MCM2: variants seen among roughly 807,000 people sequenced by gnomAD.
The protein encoded by MCM2 is DNA replication licensing factor MCM2.
MCM2 carries 49 observed loss-of-function variants against 86.4 expected under a neutral mutation model. The ratio of observed to expected loss-of-function variants is 0.57; its 90% CI spans 0.45 to 0.72. The LOEUF (loss-of-function observed/expected upper bound fraction) is 0.72. MCM2 is among the 30% of genes least tolerant of loss of function. The pLI is 0.00. For synonymous variants in MCM2, 475 were observed against 484.6 expected (o/e 0.98, Z 0.26); for missense variants, 1,038 against 1,259.9 (o/e 0.82, Z 2.67).
At chr3:127,621,326 G>A in intron 15 of MCM2, 98 bp downstream of exon 15, 1 of 1,462,886 alleles carries the variant, frequency 6.8e-7, no homozygotes, top group South Asian at 1.3e-5. Flanking sequence ...TGAAGTGGGT[G>A]GGCCTTGGTT....
At position 127,608,968 on chromosome 3, in the gene MCM2, A is replaced by T; in HGVS notation, c.1373A>T (p.Asp458Val). The T allele has an allele frequency of 6.2e-7, 1 of 1,614,180 alleles. No individual in the cohort carries two copies. Among genetic ancestry groups the T allele is most frequent in the Non-Finnish European group, 8.5e-7 (1 of 1,180,036 alleles). ...DNKVAVGELT[D>V]EDVKMITSLS... The stretch of plus-strand genomic sequence containing the variant: ...AAGGTTGCTGTAGGGGAACTGACCG[A>T]TGAAGATGTGAAGATGATCACTAGC... The change falls in exon 8 of 16, where the codon GAT becomes GTT. Residue 458 changes from aspartate to valine, a missense_variant. Physicochemically the swap from Asp to Val is radical, Grantham distance 152. Around this residue, in one of 4 missense-constraint regions of MCM2, gnomAD observed 399 missense variants for 507.2 expected, o/e 0.79. Coordinates refer to ENST00000265056, the MANE Select transcript of MCM2 (RefSeq NM_004526.4).
chr3:127,619,947 G>A (rs2074464107), intron 13 of MCM2, among the ~76,000 whole-genome samples: 1 of 152,084 alleles, frequency 6.6e-6, no homozygotes, highest in Admixed American at 6.5e-5. Context: ...TGGCACCACT[G>A]CACTCTAGCC....
intron 8 of MCM2, 109 bp downstream of exon 8, chr3:127,609,132 C>T: frequency 1.7e-6 from 2 of 1,152,064 alleles, no homozygotes; most frequent in Non-Finnish European, 1.2e-6. Flanking sequence ...TTGCCTTATT[C>T]CCCTGGAGCT....
At chr3:127,599,858 C>CA (rs2107684566) in intron 2 of MCM2, among the ~76,000 whole-genome samples, 1 of 152,276 alleles carries the variant, frequency 6.6e-6, no homozygotes, top group African/African-American at 2.4e-5. Flanking sequence ...GCAGGAAGCC[C>CA]AGTGTTTCCC....
At chr3:127,614,060 G>T (rs537103503) in intron 8 of MCM2, among the ~76,000 whole-genome samples, 2 of 152,298 alleles carry the variant, frequency 1.3e-5, no homozygotes, top group Admixed American at 1.3e-4. Context: ...ACTGTTAAAT[G>T]GGGGATTAAG....
intron 2 of MCM2, among the ~76,000 whole-genome samples, chr3:127,601,827 C>T (rs1038116050): frequency 5.3e-5 from 8 of 152,164 alleles, no homozygotes; most frequent in African/African-American, 1.7e-4. Flanking sequence ...TCCACTCCTC[C>T]GTGTTCTTGC....
At chr3:127,600,968 C>T (rs569648474) in intron 2 of MCM2, among the ~76,000 whole-genome samples, 2 of 152,004 alleles carry the variant, frequency 1.3e-5, no homozygotes, top group East Asian at 1.9e-4. Flanking sequence ...GGTAAATTTC[C>T]TGAGTTATGC....
At chr3:127,599,081 G>A (rs545297751) in intron 1 of MCM2, 51 of 576,064 alleles carry the variant, frequency 8.9e-5, no homozygotes, top group Admixed American at 1.3e-4. Flanking sequence ...GGGTGACCCC[G>A]ATATTTGAGC....
At chr3:127,611,256 A>G (rs940632614) in intron 8 of MCM2, among the ~76,000 whole-genome samples, 1 of 152,208 alleles carries the variant, frequency 6.6e-6, no homozygotes. Flanking sequence ...GGGGTCTTAC[A>G]GTCCCTAAGC....
At chr3:127,603,316 C>G (rs1019085743) in intron 2 of MCM2, among the ~76,000 whole-genome samples, 1 of 150,526 alleles carries the variant, frequency 6.6e-6, no homozygotes, top group African/African-American at 2.4e-5. Context: ...ACCATCTTAA[C>G]CTTTTTTGTT....
At position 127,619,212 on chromosome 3, in the gene MCM2, G is replaced by A. The variant is rs144817363; in HGVS notation, c.2199G>A (p.Pro733=). Residue 733 remains proline (P), a synonymous_variant, in exon 13 of 16, where the codon CCG becomes CCA. Transcript: ENST00000265056. ...TCTACGCCAAGGAGAGGGTCCACCC[G>A]AAGCTCAACCAGATGGACCAGGACA... ...YIIYAKERVH[P]KLNQMDQDKV... 126 of 1,614,034 alleles carry A rather than the reference G, an allele frequency of 7.8e-5. No individual in the cohort carries two copies. The highest frequency in any genetic ancestry group is 7.1e-4 in the East Asian group (32 of 44,886).
Position 127,608,388 on chromosome 3 carries a change from T to C in MCM2, c.1108T>C (p.Tyr370His). Residue 370 changes from tyrosine to histidine, a missense_variant, in exon 7 of 16, where the codon TAT becomes CAT. Around this residue, in one of 4 missense-constraint regions of MCM2, gnomAD observed 399 missense variants for 507.2 expected, o/e 0.79. Transcript: ENST00000265056. ...PFEVNMEETI[Y>H]QNYQRIRIQE... ...TTCTGTGTGTCCCTCGCAGACCATCTATCAGAACTACCAGCGTATCCGAAT... is the reference window on the plus strand; with the variant it reads ...TTCTGTGTGTCCCTCGCAGACCATCCATCAGAACTACCAGCGTATCCGAAT... 1.2e-6 allele frequency: 2 copies of C among 1,614,220 alleles called. No individual in the cohort carries two copies. The highest frequency in any genetic ancestry group is 1.1e-5 in the South Asian group (1 of 91,086).
chr3:127,604,913 G>T lies in MCM2; in HGVS notation c.430G>T (p.Glu144Ter), dbSNP rs139973267. ...CTCCCCAGACAGCGATGAGGAGGAC[G>T]AGGAGCGCCCTGCCCGCAAGCGCCG... is the stretch of plus-strand genomic sequence containing the variant. ...GLLYDSDEED[E>*]ERPARKRRQV... The change falls in exon 4 of 16, where the codon GAG becomes TAG. Residue 144 changes from glutamate to a stop codon, truncating the protein, a stop_gained. Coordinates refer to ENST00000265056, the MANE Select transcript of MCM2 (RefSeq NM_004526.4). LOFTEE classifies it high-confidence loss of function. The T allele has an allele frequency of 1.9e-6, 3 of 1,612,344 alleles. No individual in the cohort carries two copies. The highest frequency in any genetic ancestry group is 1.7e-6 in the Non-Finnish European group (2 of 1,179,246).
In MCM2 at chr3:127,621,275, A is replaced by AGCTGCCAGTCTCCTGATGGGG. The variant is rs1483266767; in HGVS notation, c.2604+51_2604+71dup. 7.5e-6 allele frequency: 12 copies of AGCTGCCAGTCTCCTGATGGGG among 1,606,332 alleles called. No homozygotes were observed. The South Asian group carries it at 1.3e-4, about 18-fold the overall frequency. The stretch of plus-strand genomic sequence containing the variant: ...GAGGGTTGGGGTATGCTGACTTGGG[A>AGCTGCCAGTCTCCTGATGGGG]GCTGCCAGTCTCCTGATGGGGGCTC... On this transcript the variant is annotated intron_variant, in intron 15 of 15. Transcript: ENST00000265056.
rs1358217980 is a variant in MCM2, at chr3:127,606,566, C to G, written c.894-44C>G. On this transcript the variant is annotated intron_variant, in intron 5 of 15. Coordinates refer to ENST00000265056, the MANE Select transcript of MCM2 (RefSeq NM_004526.4). The surrounding 1 kb of genome is among the most constrained non-coding windows in gnomAD (Gnocchi z 4.2). Reference sequence around the variant, plus strand: ...GGGACACTCTCGTCTGCAGCCTGGCCTCACCCTGGCTCACGGCTTCTGATG... The same window carrying G: ...GGGACACTCTCGTCTGCAGCCTGGCGTCACCCTGGCTCACGGCTTCTGATG... The G allele has an allele frequency of 3.2e-6, 5 of 1,560,052 alleles. No homozygotes were observed. Among genetic ancestry groups the G allele is most frequent in the Non-Finnish European group, 4.4e-6 (5 of 1,132,000 alleles).
chr3:127,608,159 G>C (rs149281500), intron 6 of MCM2, among the ~76,000 whole-genome samples: 1 of 152,336 alleles, frequency 6.6e-6, no homozygotes, highest in Non-Finnish European at 1.5e-5. Flanking sequence ...CATAGAGCAG[G>C]TGCTGAGTCT....
intron 8 of MCM2, among the ~76,000 whole-genome samples, chr3:127,614,734 G>A (rs116221701): frequency 3.3e-4 from 51 of 152,270 alleles, no homozygotes; most frequent in Admixed American, 1.4e-3. Context: ...TAGGCCCGCC[G>A]GGTGTTGAGG....
rs2074355460 is a variant in MCM2 at position 127,606,817 on chromosome 3, G to A, written c.1101G>A (p.Glu367=). 1 of 1,614,052 alleles carries A rather than the reference G, an allele frequency of 6.2e-7. No homozygotes were observed. Among genetic ancestry groups the A allele is most frequent in the African/African-American group, 1.3e-5 (1 of 74,930 alleles). ...GCCCCTTTGAGGTCAACATGGAGGA[G>A]GTGAGAGAGGACACAAGGTCTGCTG... is the stretch of plus-strand genomic sequence containing the variant. ...SAGPFEVNME[E]TIYQNYQRIR... Residue 367 remains glutamate (E), a splice_region_variant and synonymous_variant, in exon 6 of 16, where the codon GAG becomes GAA. Coordinates refer to ENST00000265056, the MANE Select transcript of MCM2 (RefSeq NM_004526.4). The surrounding 1 kb of genome is among the most constrained non-coding windows in gnomAD (Gnocchi z 4.2).
rs1351967095 is a variant in MCM2 at position 127,604,686 on chromosome 3, G to A, written c.315G>A (p.Leu105=). 1 of 1,612,800 alleles carries A rather than the reference G, an allele frequency of 6.2e-7. No homozygotes were observed. Among genetic ancestry groups the A allele is most frequent in the Non-Finnish European group, 8.5e-7 (1 of 1,179,968 alleles). ...TGGATGATGAGGACGTAGAGGAGCTGACGGCCAGTCAGAGGGAGGCAGCAG... is the reference window on the plus strand; with the variant it reads ...TGGATGATGAGGACGTAGAGGAGCTAACGGCCAGTCAGAGGGAGGCAGCAG... ...LALDDEDVEE[L]TASQREAAER... is the part of the protein sequence containing the mutation. Residue 105 remains leucine (L), a synonymous_variant, in exon 3 of 16, where the codon CTG becomes CTA. Coordinates refer to ENST00000265056, the MANE Select transcript of MCM2 (RefSeq NM_004526.4).
Sources: gnomAD v4.1 joint callset for allele counts (sites outside exome capture counted in the v4.1 genomes callset) on GRCh38, gnomAD v4.1.1 for gene constraint, gnomAD v4.1.1 regional missense constraint, Gnocchi (gnomAD v3.1) non-coding constraint, MANE v1.5 for transcripts, NCBI Gene and HGNC (gene_info 2026-07-23, HGNC 2026-07-21) for gene names.